The following SHISA9 variants were observed in gnomAD, a reference collection of about 807,000 sequenced individuals.
SHISA9 encodes shisa family member 9.
Under a neutral mutation model 38.0 loss-of-function variants are expected in SHISA9, and 13 were observed. The observed-to-expected ratio is 0.34, with a 90% CI of 0.22 to 0.54. The LOEUF is 0.54. Among genes scored for constraint, SHISA9 ranks in the 20% least tolerant of loss-of-function variants. The probability of loss-of-function intolerance (pLI) is 0.91; values close to 1 mark genes in which losing one functional copy is unlikely to be tolerated. For missense variants in SHISA9, 538 were observed against 575.8 expected, an observed-to-expected ratio of 0.93 and a Z score of 0.67; for synonymous variants, 275 against 242.0, an observed-to-expected ratio of 1.14 and a Z score of -1.27.
At chr16:13,549,821 A>C in the SHISA9 span, among the ~76,000 whole-genome samples, 2 of 152,014 alleles carry the variant, frequency 1.3e-5, no homozygotes, top group Non-Finnish European at 2.9e-5. Flanking sequence ...TCAGGAGTTC[A>C]AGACTAGCCT....
At chr16:13,302,542 C>G in the SHISA9 span, among the ~76,000 whole-genome samples, 2 of 152,200 alleles carry the variant, frequency 1.3e-5, no homozygotes, top group African/African-American at 4.8e-5. Flanking sequence ...GATACAGACT[C>G]TCTCCATGAA....
chr16:12,955,598 G>T (rs2141782860), intron 2 of SHISA9, among the ~76,000 whole-genome samples: 1 of 149,326 alleles, frequency 6.7e-6, no homozygotes, highest in South Asian at 2.1e-4. Flanking sequence ...CAGAAATAAA[G>T]CCACATACCT....
At chr16:13,536,758 A>T in the SHISA9 span, among the ~76,000 whole-genome samples, 1 of 152,238 alleles carries the variant, frequency 6.6e-6, no homozygotes, top group Non-Finnish European at 1.5e-5. Flanking sequence ...ACAGATATAG[A>T]TCAGGGTGTG....
the SHISA9 span, among the ~76,000 whole-genome samples, chr16:13,459,816 A>C: frequency 2.5e-4 from 38 of 152,322 alleles, no homozygotes; most frequent in African/African-American, 8.9e-4. Context: ...TGGCCATTAG[A>C]AGCTACTCTG....
intron 3 of SHISA9, among the ~76,000 whole-genome samples, chr16:13,212,058 C>A (rs186204792): frequency 6.6e-6 from 1 of 152,126 alleles, no homozygotes; most frequent in African/African-American, 2.4e-5. Context: ...GGGGATGTGG[C>A]GATTTGAGCA....
intron 2 of SHISA9, among the ~76,000 whole-genome samples, chr16:13,166,348 T>C (rs116837304): frequency 0.022 from 3,418 of 152,290 alleles, 115 homozygotes; most frequent in African/African-American, 0.075. Flanking sequence ...ATCCCAGCCC[T>C]CTTGATAAAG....
At chr16:13,039,370 C>T (rs1042874780) in intron 2 of SHISA9, among the ~76,000 whole-genome samples, 8 of 152,126 alleles carry the variant, frequency 5.3e-5, no homozygotes, top group Admixed American at 4.6e-4. Context: ...GGCTAAGTGA[C>T]TTGTACAAGG....
chr16:13,510,120 A>G, the SHISA9 span, among the ~76,000 whole-genome samples: 4 of 152,220 alleles, frequency 2.6e-5, no homozygotes, highest in Non-Finnish European at 4.4e-5. Flanking sequence ...AGGCTGGCCA[A>G]CATGGTGAAA....
intron 2 of SHISA9, among the ~76,000 whole-genome samples, chr16:13,038,961 T>G (rs2073104029): frequency 6.6e-6 from 1 of 152,182 alleles, no homozygotes; most frequent in South Asian, 2.1e-4. Context: ...CAGACTGGAG[T>G]GCAGTGGTGA....
chr16:13,209,051 T>G (rs975323570), intron 3 of SHISA9, among the ~76,000 whole-genome samples: 4 of 152,194 alleles, frequency 2.6e-5, no homozygotes, highest in Non-Finnish European at 5.9e-5. Flanking sequence ...ATTATTTAAC[T>G]TCCTCAGGTC....
At chr16:13,306,733 A>G in the SHISA9 span, among the ~76,000 whole-genome samples, 1 of 152,322 alleles carries the variant, frequency 6.6e-6, no homozygotes, top group African/African-American at 2.4e-5. Flanking sequence ...AGAGCAAGAG[A>G]GTAACCAGGA....
chr16:13,069,403 A>G (rs2073482179), intron 2 of SHISA9, among the ~76,000 whole-genome samples: 1 of 152,058 alleles, frequency 6.6e-6, no homozygotes, highest in Non-Finnish European at 1.5e-5. Flanking sequence ...GTGTGTACAT[A>G]CAATGTGTGC....
the SHISA9 span, among the ~76,000 whole-genome samples, chr16:13,387,158 A>G: frequency 6.6e-6 from 1 of 152,216 alleles, no homozygotes; most frequent in East Asian, 1.9e-4. Context: ...AACCAGCACC[A>G]TGACTTACTT....
In SHISA9 at chr16:13,019,341, GAT is replaced by G. The variant is rs2072794475; in HGVS notation, c.691+102527_691+102528del. Among the ~76,000 whole-genome samples, 3 of 152,252 alleles carry G rather than the reference GAT, an allele frequency of 2.0e-5. 1 individual carries two copies. The South Asian group carries it at 6.2e-4, about 32-fold the overall frequency. ...ACAGTTCTGGAGGCTAGAAGTCCAA[GAT>G]CAAGGTTCCGGCAGATCCATTTTCT... On this transcript the variant is annotated intron_variant, in intron 2 of 4. Transcript: ENST00000558583.
intron 2 of SHISA9, among the ~76,000 whole-genome samples, chr16:12,965,016 C>T (rs576954664): frequency 1.6e-4 from 25 of 152,024 alleles, no homozygotes; most frequent in South Asian, 2.1e-4. Flanking sequence ...CATGCACATA[C>T]GAATAAATGA....
chr16:12,924,393 G>T (rs1282389307), intron 2 of SHISA9, among the ~76,000 whole-genome samples: 1 of 152,182 alleles, frequency 6.6e-6, no homozygotes, highest in African/African-American at 2.4e-5. Flanking sequence ...TAAAAGCCCA[G>T]TGAAACTCTA....
chr16:13,038,725 A>G (rs1455024510), intron 2 of SHISA9, among the ~76,000 whole-genome samples: 1 of 152,166 alleles, frequency 6.6e-6, no homozygotes, highest in Non-Finnish European at 1.5e-5. Context: ...TGTATTTACC[A>G]GTGTGATCGT....
intron 2 of SHISA9, among the ~76,000 whole-genome samples, chr16:12,922,990 C>G (rs79659856): frequency 0.24 from 36,892 of 151,688 alleles, 5,160 homozygotes; most frequent in Non-Finnish European, 0.31. Flanking sequence ...CAGCTCTATA[C>G]ATTTTATTTT....
At chr16:13,307,190 A>G in the SHISA9 span, among the ~76,000 whole-genome samples, 226 of 152,334 alleles carry the variant, frequency 1.5e-3, no homozygotes, top group African/African-American at 5.4e-3. Flanking sequence ...TAGCACTTAC[A>G]TATCCCAGAG....
Sources: allele counts gnomAD v4.1 joint callset (sites outside exome capture counted in the v4.1 genomes callset), GRCh38; gene constraint gnomAD v4.1.1; transcripts MANE v1.5; gene names NCBI Gene and HGNC (gene_info 2026-07-23, HGNC 2026-07-21).